Variants in ABCA3 observed in about 807,000 individuals in gnomAD.
The protein encoded by ABCA3 is phospholipid-transporting ATPase ABCA3.
ABCA3 carries 88 observed loss-of-function variants against 172.8 expected under a neutral mutation model. The ratio of observed to expected loss-of-function variants is 0.51; its 90% CI spans 0.43 to 0.61. ABCA3 has a LOEUF of 0.61. ABCA3 is among the 20% of genes least tolerant of loss of function. ABCA3 has a pLI of 0.00. For missense variants in ABCA3, 2,164 were observed against 2,301.0 expected, an observed-to-expected ratio of 0.94 and a Z score of 1.22; for synonymous variants, 1,066 against 983.8, an observed-to-expected ratio of 1.08 and a Z score of -1.56.
At position 2,283,701 on chromosome 16, in the gene ABCA3, G is replaced by A. The variant is rs1390011737; in HGVS notation, c.3863-343C>T. 1.7e-5 allele frequency: 6 copies of A among 351,310 alleles called. No homozygotes were observed. The East Asian group carries it at 3.3e-4, about 20-fold the overall frequency. The allele number at this position is 351,310 out of a possible 1,614,324, so 21.8% of individuals were successfully genotyped here. On this transcript the variant is annotated intron_variant, in intron 25 of 32. Coordinates refer to ENST00000301732, the MANE Select transcript of ABCA3 (RefSeq NM_001089.3). The surrounding 1 kb of genome is among the most constrained non-coding windows in gnomAD (Gnocchi z 5.4). ...CGAGGGGTGTGTGGGAGGCTGAGGA[G>A]GCCCCACAGGACAGGTCCAAGTTCT...
chr16:2,301,552 CA>C (rs200136191), intron 12 of ABCA3, among the ~76,000 whole-genome samples: 1,676 of 151,438 alleles, frequency 0.011, 33 homozygotes, highest in African/African-American at 0.038. Flanking sequence ...AATAAAAATA[CA>C]AAAAAAATTA....
intron 1 of ABCA3, among the ~76,000 whole-genome samples, chr16:2,334,249 G>A (rs2093748136): frequency 6.6e-6 from 1 of 152,090 alleles, no homozygotes; most frequent in Non-Finnish European, 1.5e-5. Context: ...ACTGTGTATG[G>A]GGAGCAGCGA....
Position 2,277,418 on chromosome 16 carries a change from C to T in ABCA3, c.4983+179G>A, listed in dbSNP as rs2093648216. On this transcript the variant is annotated intron_variant, in intron 32 of 32. Coordinates refer to ENST00000301732, the MANE Select transcript of ABCA3 (RefSeq NM_001089.3). This position sits in a 1 kb window ranked among gnomAD's most constrained non-coding sequence, Gnocchi z 5.3. ...CCTGTTTTACACTGAATTCCTTTTA[C>T]CACTGATAATTTTGGATATAAAACC... Among the ~76,000 whole-genome samples, 1 of 152,138 alleles carries T rather than the reference C, an allele frequency of 6.6e-6. No individual in the cohort carries two copies.
chr16:2,288,334 G>A lies in ABCA3; in HGVS notation c.2701-5C>T, dbSNP rs749149094. On this transcript the variant is annotated splice_region_variant and splice_polypyrimidine_tract_variant and intron_variant, in intron 20 of 32. Transcript: ENST00000301732. ...TTGCTGGCAGTGCAGGGCGAGCTGC[G>A]GCAGAGGGGACGCAGGTGACACCGG... 9.7e-6 allele frequency: 15 copies of A among 1,547,110 alleles called. No homozygotes were observed. In the Admixed American group the frequency reaches 1.2e-4, roughly 12 times the overall value.
At chr16:2,321,647 C>G (rs556031261) in intron 7 of ABCA3, among the ~76,000 whole-genome samples, 6 of 152,184 alleles carry the variant, frequency 3.9e-5, no homozygotes, top group Non-Finnish European at 8.8e-5. Flanking sequence ...GTCCCTAGCT[C>G]AGTTCCAAGA....
intron 1 of ABCA3, among the ~76,000 whole-genome samples, chr16:2,335,441 G>A (rs2093750259): frequency 6.6e-6 from 1 of 151,342 alleles, no homozygotes; most frequent in Non-Finnish European, 1.5e-5. Flanking sequence ...CACCACACCT[G>A]GCTTTTTTTT....
Position 2,317,720 on chromosome 16 carries a change from A to G in ABCA3, c.918T>C (p.Ser306=), listed in dbSNP as rs1354459789. 3.7e-6 allele frequency: 6 copies of G among 1,614,104 alleles called. No homozygotes were observed. The highest frequency in any genetic ancestry group is 5.1e-6 in the Non-Finnish European group (6 of 1,180,006). Residue 306 remains serine (S), a synonymous_variant, in exon 9 of 33, where the codon AGT becomes AGC. Transcript: ENST00000301732. ...MMGLSSWLHW[S]AWFLLFFLFL... ...AGAGGAAGAACAAGAGGAACCAGGC[A>G]CTCCAGTGCAGCCAGCTGCTGAGCC...
intron 1 of ABCA3, among the ~76,000 whole-genome samples, chr16:2,334,545 C>T (rs1165588176): frequency 4.0e-5 from 6 of 148,526 alleles, no homozygotes; most frequent in African/African-American, 1.5e-4. Flanking sequence ...GACGGCATCT[C>T]GCTCTATCAC....
intron 10 of ABCA3, among the ~76,000 whole-genome samples, chr16:2,309,009 G>A (rs1158900802): frequency 1.3e-5 from 2 of 151,626 alleles, no homozygotes; most frequent in East Asian, 1.9e-4. Context: ...GCAGTGGCAC[G>A]ATCTCGGCTC....
In ABCA3 at chr16:2,284,195, G is replaced by C. The variant is rs2093659237; in HGVS notation, c.3862+84C>G. ...CCCCAGGCCACTCAGACGCAGAGGA[G>C]CCCCTGCCCTAGGAGGCCCCTCTGC... On this transcript the variant is annotated intron_variant, in intron 25 of 32. Coordinates refer to ENST00000301732, the MANE Select transcript of ABCA3 (RefSeq NM_001089.3). The surrounding 1 kb of genome is among the most constrained non-coding windows in gnomAD (Gnocchi z 5.9). 1.2e-5 allele frequency: 18 copies of C among 1,487,706 alleles called. No individual in the cohort carries two copies. The highest frequency in any genetic ancestry group is 2.3e-4 in the Middle Eastern group (1 of 4,440). 92.2% of individuals were successfully genotyped at this position (1,487,706 alleles called of 1,614,324 possible).
chr16:2,327,946 C>T (rs1411631941), intron 3 of ABCA3, among the ~76,000 whole-genome samples: 1 of 152,122 alleles, frequency 6.6e-6, no homozygotes, highest in Non-Finnish European at 1.5e-5. Flanking sequence ...GTCTTGAACT[C>T]CTGACCTCAA....
chr16:2,316,686 CA>C (rs1400075766), intron 10 of ABCA3, among the ~76,000 whole-genome samples: 2 of 148,544 alleles, frequency 1.3e-5, no homozygotes, highest in African/African-American at 4.9e-5. Context: ...AAAAAAAAAA[CA>C]AAAAACTGGG....
At chr16:2,292,988 A>AC (rs946732360) in intron 18 of ABCA3, among the ~76,000 whole-genome samples, 5 of 150,278 alleles carry the variant, frequency 3.3e-5, no homozygotes, top group African/African-American at 1.2e-4. Context: ...AAAATGAATC[A>AC]CCCCCCTAAT....
intron 1 of ABCA3, chr16:2,332,613 T>G: frequency 1.9e-6 from 3 of 1,575,916 alleles, no homozygotes; most frequent in Non-Finnish European, 1.7e-6. Context: ...GCTTGTACTG[T>G]AGCGTGGGCG....
rs71148128 is a variant in ABCA3, at chr16:2,316,490, C to CAA, written c.1111+791_1111+792dup. ...CAAAACCCCGTCTCTACTAAAAATG[C>CAA]AAAAAAAAAAAAAAAAAAAAAAAAA... On this transcript the variant is annotated intron_variant, in intron 10 of 32. Transcript: ENST00000301732. Among the ~76,000 whole-genome samples the CAA allele has an allele frequency of 4.5e-3, 129 of 28,846 alleles. 31 individuals carry two copies. Among genetic ancestry groups the CAA allele is most frequent in the Non-Finnish European group, 7.1e-3 (92 of 12,990 alleles). The allele number at this position is 28,846 out of a possible 152,430, so 18.9% of individuals were successfully genotyped here. A position where few individuals can be genotyped will look rare whatever the true frequency, so the allele number is the denominator to read the frequency against.
Position 2,277,621 on chromosome 16 carries a change from C to G in ABCA3, c.4959G>C (p.Pro1653=), listed in dbSNP as rs772839229. The change falls in exon 32 of 33, where the codon CCG becomes CCC. Residue 1653 remains proline, a synonymous_variant. Coordinates refer to ENST00000301732, the MANE Select transcript of ABCA3 (RefSeq NM_001089.3). This position sits in a 1 kb window ranked among gnomAD's most constrained non-coding sequence, Gnocchi z 5.3. ...CCTTCGCCCAGCTGAGGTCACGGCC[C>G]GGCAGGTGGTAATGGACCATGCCTT... ...EHQGMVHYHL[P]GRDLSWAKVF... The G allele has an allele frequency of 6.2e-7, 1 of 1,613,088 alleles. No homozygotes were observed. Among genetic ancestry groups the G allele is most frequent in the Non-Finnish European group, 8.5e-7 (1 of 1,179,992 alleles).
intron 13 of ABCA3, among the ~76,000 whole-genome samples, 182 bp from the exon 14 acceptor site, chr16:2,299,714 C>T (rs1197994313): frequency 6.6e-6 from 1 of 152,252 alleles, no homozygotes; most frequent in Non-Finnish European, 1.5e-5. Context: ...CGGTCTCCCC[C>T]AGCCCCAACA....
chr16:2,336,317 G>T (rs903810423), intron 1 of ABCA3, among the ~76,000 whole-genome samples: 1 of 152,144 alleles, frequency 6.6e-6, no homozygotes, highest in Non-Finnish European at 1.5e-5. Flanking sequence ...CAGATGATGG[G>T]TAAATGAAAT....
At chr16:2,317,202 G>C (rs983033323) in intron 10 of ABCA3, 81 bp downstream of exon 10, 2 of 1,595,246 alleles carry the variant, frequency 1.3e-6, no homozygotes, top group Non-Finnish European at 8.6e-7. Context: ...TCTCCCTTCC[G>C]ATCACAGCCT....
Sources: allele counts gnomAD v4.1 joint callset (sites outside exome capture counted in the v4.1 genomes callset), GRCh38; gene constraint gnomAD v4.1.1; non-coding constraint Gnocchi (gnomAD v3.1); transcripts MANE v1.5; gene names NCBI Gene and HGNC (gene_info 2026-07-23, HGNC 2026-07-21).